EXPH5: variants seen among roughly 807,000 people sequenced by gnomAD.
The protein encoded by EXPH5 is exophilin 5.
Under a neutral mutation model 41.1 loss-of-function variants are expected in EXPH5, and 42 were observed. The observed-to-expected ratio is 1.02, with a 90% confidence interval of 0.80 to 1.32. The LOEUF (loss-of-function observed/expected upper bound fraction) is 1.32, where lower values mean the gene tolerates loss of function less well. EXPH5 is among the 40% of genes most tolerant of loss of function. The pLI, the probability that EXPH5 is intolerant of heterozygous loss-of-function variation, is 0.00. For missense variants in EXPH5, 2,298 were observed against 2,314.5 expected (o/e 0.99, Z 0.15); for synonymous variants, 798 against 833.5 (o/e 0.96, Z 0.73).
chr11:108,579,681 G>C (rs559925404), intron 1 of EXPH5, among the ~76,000 whole-genome samples: 1 of 152,234 alleles, frequency 6.6e-6, no homozygotes, highest in South Asian at 2.1e-4. Context: ...AATTGTAGTA[G>C]GCAAATTGTG....
chr11:108,569,409 A>G (rs896129607), intron 1 of EXPH5, among the ~76,000 whole-genome samples: 11 of 149,800 alleles, frequency 7.3e-5, no homozygotes, highest in South Asian at 2.1e-4. Flanking sequence ...GTGTGATCTC[A>G]GCTCACTGCA....
chr11:108,603,000 A>G, the EXPH5 span, among the ~76,000 whole-genome samples: 7 of 152,188 alleles, frequency 4.6e-5, no homozygotes, highest in African/African-American at 1.7e-4. Flanking sequence ...CGTGATAGTG[A>G]GTGAATTCTT....
Position 108,513,972 on chromosome 11 carries a change from A to G in EXPH5, c.1535T>C (p.Met512Thr), listed in dbSNP as rs1312085979. 6.2e-7 allele frequency: 1 copy of G among 1,609,934 alleles called. No homozygotes were observed. Among genetic ancestry groups the G allele is most frequent in the Admixed American group, 1.7e-5 (1 of 59,386 alleles). ...AATGGCTGATACACTATTTGCTTCCATGGAAATCATTTCAAAGTCTCTGTC... is the reference window on the plus strand; with the variant it reads ...AATGGCTGATACACTATTTGCTTCCGTGGAAATCATTTCAAAGTCTCTGTC... ...SSDRDFEMIS[M>T]EANSVSAIHG... The change falls in exon 6 of 6, where the codon ATG becomes ACG. Residue 512 changes from methionine to threonine, a missense_variant. Met to Thr is a moderately conservative substitution (Grantham distance 81). Coordinates refer to ENST00000265843, the MANE Select transcript of EXPH5 (RefSeq NM_015065.3).
intron 1 of EXPH5, among the ~76,000 whole-genome samples, chr11:108,568,570 T>C (rs1350058664): frequency 6.6e-6 from 1 of 152,140 alleles, no homozygotes; most frequent in Admixed American, 6.5e-5. Context: ...TGAGAAATAA[T>C]GTACAACAAG....
intron 3 of EXPH5, among the ~76,000 whole-genome samples, chr11:108,532,087 T>C (rs1157152963): frequency 6.6e-6 from 1 of 151,856 alleles, no homozygotes; most frequent in Non-Finnish European, 1.5e-5. Context: ...CAGGTGAAAG[T>C]TGAAACTTTT....
intron 1 of EXPH5, among the ~76,000 whole-genome samples, chr11:108,565,420 G>C (rs1021445157): frequency 2.0e-4 from 31 of 152,162 alleles, no homozygotes; most frequent in Admixed American, 1.2e-3. Context: ...CCACAGATCA[G>C]TGCTGAATGT....
chr11:108,569,794 G>GA (rs201426814), intron 1 of EXPH5, among the ~76,000 whole-genome samples: 66 of 151,200 alleles, frequency 4.4e-4, no homozygotes, highest in East Asian at 7.8e-4. Flanking sequence ...TCATGATATG[G>GA]AAAAAAAAAT....
At chr11:108,544,616 C>A (rs2093929023) in intron 1 of EXPH5, among the ~76,000 whole-genome samples, 1 of 152,198 alleles carries the variant, frequency 6.6e-6, no homozygotes, top group Non-Finnish European at 1.5e-5. Flanking sequence ...AGTACTCAAA[C>A]ACTTTGAATT....
At chr11:108,557,437 G>A (rs182268795) in intron 1 of EXPH5, among the ~76,000 whole-genome samples, 36 of 152,234 alleles carry the variant, frequency 2.4e-4, no homozygotes, top group Admixed American at 2.0e-3. Context: ...TCCGCCTCCT[G>A]GGTTCAGGGA....
chr11:108,511,101 G>T lies in EXPH5; in HGVS notation c.4406C>A (p.Ser1469Tyr), dbSNP rs1325587720. 1 of 1,614,066 alleles carries T rather than the reference G, an allele frequency of 6.2e-7. No individual in the cohort carries two copies. Among genetic ancestry groups the T allele is most frequent in the Non-Finnish European group, 8.5e-7 (1 of 1,179,980 alleles). The part of the protein sequence containing the change: ...SGKCPQKDHT[S>Y]TAVGDGSSGS... ...ACTGGAGCCATCACCTACAGCTGTG[G>T]ATGTGTGATCTTTCTGGGGACACTT... The change falls in exon 6 of 6, where the codon TCC (serine) becomes TAC (tyrosine). Residue 1469 changes from serine to tyrosine, a missense_variant. Ser to Tyr is a moderately radical substitution (Grantham distance 144). Transcript: ENST00000265843.
chr11:108,519,811 A>C lies in EXPH5; in HGVS notation c.493-1438T>G, dbSNP rs539844229. ...CCAAAAATACAAAAATTAGCTGGAC[A>C]TGGTGGCAGATGTCTGTAATCCCAG... On this transcript the variant is annotated intron_variant, in intron 4 of 5. Coordinates refer to ENST00000265843, the MANE Select transcript of EXPH5 (RefSeq NM_015065.3). Among the ~76,000 whole-genome samples the C allele has an allele frequency of 4.0e-5, 6 of 151,754 alleles. No individual in the cohort carries two copies. In the East Asian group the frequency reaches 9.7e-4, roughly 25 times the overall value.
At chr11:108,579,322 C>T (rs1268788134) in intron 1 of EXPH5, among the ~76,000 whole-genome samples, 1 of 151,716 alleles carries the variant, frequency 6.6e-6, no homozygotes, top group Non-Finnish European at 1.5e-5. Flanking sequence ...TGTTTATTAA[C>T]TTGCATATGT....
upstream of EXPH5, among the ~76,000 whole-genome samples, chr11:108,598,687 C>T (rs369591986): frequency 1.7e-4 from 26 of 152,010 alleles, no homozygotes; most frequent in East Asian, 1.6e-3. Context: ...GCTTTCCAAG[C>T]AGAGGCAAGT....
chr11:108,511,259 G>GGATT lies in EXPH5; in HGVS notation c.4244_4247dup (p.Asn1418HisfsTer2). ...AGGGACCACTGTTACTTGAATTAAT[G>GGATT]GATTGTTGACAATTTTCAGATTTTT... On this transcript the variant is annotated frameshift_variant, in exon 6 of 6. Transcript: ENST00000265843. LOFTEE classifies it low-confidence loss of function (END_TRUNC). 6.2e-7 allele frequency: 1 copy of GGATT among 1,607,978 alleles called. No homozygotes were observed. Among genetic ancestry groups the GGATT allele is most frequent in the Non-Finnish European group, 8.5e-7 (1 of 1,178,598 alleles).
Position 108,590,091 on chromosome 11 carries a change from A to G in EXPH5, c.119+3327T>C, listed in dbSNP as rs1243754693. Among the ~76,000 whole-genome samples, 6 of 152,214 alleles carry G rather than the reference A, an allele frequency of 3.9e-5. 1 individual carries two copies. Among genetic ancestry groups the G allele is most frequent in the Admixed American group, 3.9e-4 (6 of 15,282 alleles). ...AATGAGAAATATCCAAGAATTGGAC[A>G]ATTGGGTCAAGCGTAAGGCGTATCT... On this transcript the variant is annotated intron_variant, in intron 1 of 5. Transcript: ENST00000265843.
At chr11:108,603,234 TACA>T in the EXPH5 span, among the ~76,000 whole-genome samples, 2 of 152,232 alleles carry the variant, frequency 1.3e-5, no homozygotes, top group Non-Finnish European at 2.9e-5. Context: ...AACAGACTAA[TACA>T]ATAGGGTTGC....
intron 1 of EXPH5, among the ~76,000 whole-genome samples, chr11:108,565,323 G>C (rs1377910373): frequency 6.6e-6 from 1 of 152,130 alleles, no homozygotes; most frequent in African/African-American, 2.4e-5. Flanking sequence ...GGCAAAATTG[G>C]CAACTCTTGG....
upstream of EXPH5, among the ~76,000 whole-genome samples, chr11:108,597,227 TC>T (rs2136136535): frequency 6.6e-6 from 1 of 152,306 alleles, no homozygotes; most frequent in South Asian, 2.1e-4. Context: ...AGATGGAGTC[TC>T]ACTCTGTTGG....
chr11:108,575,867 G>A (rs937195817), intron 1 of EXPH5, among the ~76,000 whole-genome samples: 3 of 152,084 alleles, frequency 2.0e-5, no homozygotes, highest in East Asian at 1.9e-4. Context: ...CCAGCTACTC[G>A]GGTGGTTGAG....
Sources: allele counts gnomAD v4.1 joint callset (sites outside exome capture counted in the v4.1 genomes callset), GRCh38; gene constraint gnomAD v4.1.1; transcripts MANE v1.5; gene names NCBI Gene and HGNC (gene_info 2026-07-23, HGNC 2026-07-21).